KHDRBS3: variants seen among roughly 807,000 people sequenced by gnomAD.
KHDRBS3 encodes KH domain-containing, RNA-binding, signal transduction-associated protein 3.
In KHDRBS3, 23 loss-of-function variants were observed where a neutral mutation model predicts 45.6. That is an observed-to-expected ratio of 0.50 (90% CI 0.36 to 0.72). KHDRBS3 has a LOEUF of 0.72. Among genes scored for constraint, KHDRBS3 ranks in the 30% least tolerant of loss-of-function variants. The pLI, the probability that KHDRBS3 is intolerant of heterozygous loss-of-function variation, is 0.00. For missense variants in KHDRBS3, 352 were observed against 424.8 expected (o/e 0.83, Z 1.51); for synonymous variants, 162 against 156.5 (o/e 1.04, Z -0.26).
chr8:135,495,914 T>G (rs774514872), intron 1 of KHDRBS3, among the ~76,000 whole-genome samples: 1 of 152,048 alleles, frequency 6.6e-6, no homozygotes, highest in Non-Finnish European at 1.5e-5. Context: ...GGGTTTTAAG[T>G]GTAGATATGT....
chr8:135,517,973 AAC>A (rs1395305958), intron 1 of KHDRBS3, among the ~76,000 whole-genome samples: 1 of 152,220 alleles, frequency 6.6e-6, no homozygotes, highest in Non-Finnish European at 1.5e-5. Flanking sequence ...TTTTTAAAAT[AAC>A]AGATGATCTG....
intron 5 of KHDRBS3, among the ~76,000 whole-genome samples, chr8:135,565,992 A>G (rs1278277437): frequency 6.6e-6 from 1 of 152,354 alleles, no homozygotes; most frequent in East Asian, 1.9e-4. Context: ...TTATGTTGTT[A>G]CACCAGAAGT....
intron 5 of KHDRBS3, among the ~76,000 whole-genome samples, chr8:135,567,869 A>G (rs1827505481): frequency 6.6e-6 from 1 of 152,370 alleles, no homozygotes; most frequent in African/African-American, 2.4e-5. Flanking sequence ...GCTGGAATTA[A>G]AAAATTTCTT....
intron 1 of KHDRBS3, among the ~76,000 whole-genome samples, chr8:135,462,176 A>G (rs1284163935): frequency 6.6e-6 from 1 of 151,694 alleles, no homozygotes. Context: ...TTTCTGTTTC[A>G]TCCAAAGGAG....
chr8:135,557,277 T>C (rs550912497), intron 4 of KHDRBS3, among the ~76,000 whole-genome samples, 171 bp from the exon 5 acceptor site: 1 of 152,358 alleles, frequency 6.6e-6, no homozygotes, highest in Admixed American at 6.5e-5. Context: ...TTTCTTCCTT[T>C]TTTACAAGAA....
At chr8:135,548,717 A>C in intron 3 of KHDRBS3, 37 bp from the exon 4 acceptor site, 1 of 1,426,030 alleles carries the variant, frequency 7.0e-7, no homozygotes, top group Non-Finnish European at 9.3e-7. Flanking sequence ...TTATAATGAC[A>C]CGTTTTTAAA....
intron 4 of KHDRBS3, chr8:135,549,305 G>A (rs1826464536): frequency 6.5e-6 from 1 of 154,442 alleles, no homozygotes; most frequent in Admixed American, 6.5e-5. Context: ...AGCAGTCCCT[G>A]CCCTCATTTA....
intron 1 of KHDRBS3, among the ~76,000 whole-genome samples, chr8:135,469,517 GTTTTGGTTTTTTTT>G (rs1821883914): frequency 3.3e-5 from 1 of 30,678 alleles, no homozygotes; most frequent in Non-Finnish European, 8.1e-5. Context: ...TTTTTTTTTT[GTTTTGGTTTTTTTT>G]TTTTTTTTTT....
chr8:135,653,972 T>C (rs146409783), intron 4 of KHDRBS3, among the ~76,000 whole-genome samples: 9 of 152,300 alleles, frequency 5.9e-5, no homozygotes, highest in African/African-American at 2.2e-4. Context: ...ATACACACAA[T>C]GGTGTTAATT....
intron 6 of KHDRBS3, among the ~76,000 whole-genome samples, chr8:135,603,574 T>G (rs1007858339): frequency 2.6e-5 from 4 of 152,196 alleles, no homozygotes; most frequent in African/African-American, 9.6e-5. Context: ...TGCCCCCATT[T>G]AATGACTATC....
chr8:135,549,920 A>G (rs900574760), intron 4 of KHDRBS3: 12 of 152,172 alleles, frequency 7.9e-5, no homozygotes, highest in Admixed American at 3.9e-4. Flanking sequence ...AATGGCTAGT[A>G]TTTTCTTTAG....
intron 1 of KHDRBS3, among the ~76,000 whole-genome samples, chr8:135,495,127 G>T (rs1475565308): frequency 6.6e-6 from 1 of 152,130 alleles, no homozygotes; most frequent in Non-Finnish European, 1.5e-5. Context: ...TATTACAGGA[G>T]CCCACATTTA....
intron 8 of KHDRBS3, 120 bp from the exon 9 acceptor site, chr8:135,646,872 CA>C: frequency 1.7e-6 from 1 of 578,302 alleles, no homozygotes; most frequent in Non-Finnish European, 3.2e-6. Flanking sequence ...TTCAGTACAC[CA>C]GGGGTATATA....
chr8:135,578,603 C>T (rs943373148), intron 5 of KHDRBS3, among the ~76,000 whole-genome samples: 24 of 152,152 alleles, frequency 1.6e-4, no homozygotes, highest in African/African-American at 5.8e-4. Flanking sequence ...GCAAATACCG[C>T]GCTGTCTTGA....
At chr8:135,643,083 G>A (rs370633241) in intron 7 of KHDRBS3, among the ~76,000 whole-genome samples, 4 of 152,030 alleles carry the variant, frequency 2.6e-5, no homozygotes, top group South Asian at 2.1e-4. Flanking sequence ...ATGAGCCACC[G>A]CGCCTGGCCT....
chr8:135,565,666 G>C (rs1827379003), intron 5 of KHDRBS3, among the ~76,000 whole-genome samples: 2 of 152,128 alleles, frequency 1.3e-5, no homozygotes. Context: ...AGAATCTGTG[G>C]CTCCCTATCT....
intron 1 of KHDRBS3, among the ~76,000 whole-genome samples, chr8:135,477,414 T>TGC (rs1822346414): frequency 6.6e-6 from 1 of 152,136 alleles, no homozygotes; most frequent in Non-Finnish European, 1.5e-5. Flanking sequence ...TCATAAAATA[T>TGC]TGGAAAAATG....
chr8:135,528,888 C>T (rs1825327330), intron 2 of KHDRBS3, among the ~76,000 whole-genome samples: 1 of 152,156 alleles, frequency 6.6e-6, no homozygotes, highest in African/African-American at 2.4e-5. Context: ...TTCAGCACTT[C>T]CCAAAAGGCC....
chr8:135,519,868 T>TTA (rs1824817996), intron 1 of KHDRBS3, among the ~76,000 whole-genome samples: 4 of 152,230 alleles, frequency 2.6e-5, no homozygotes, highest in Non-Finnish European at 5.9e-5. Context: ...ATGAAGCCCA[T>TTA]TGGCTGTTTC....
Sources: gnomAD v4.1 joint callset for allele counts (sites outside exome capture counted in the v4.1 genomes callset) on GRCh38, gnomAD v4.1.1 for gene constraint, MANE v1.5 for transcripts, NCBI Gene and HGNC (gene_info 2026-07-23, HGNC 2026-07-21) for gene names.